The following TRIM13 variants were observed in gnomAD, a reference collection of about 807,000 sequenced individuals.
TRIM13 encodes E3 ubiquitin-protein ligase TRIM13.
In TRIM13, 15 loss-of-function variants were observed where a neutral mutation model predicts 27.1. That is an observed-to-expected ratio of 0.55 (90% CI 0.37 to 0.85). The LOEUF is 0.85. Ranked by LOEUF, TRIM13 falls within the 40% of genes least tolerant of loss-of-function variation. The pLI is 0.00. For synonymous variants in TRIM13, 193 were observed against 171.5 expected (o/e 1.13, Z -0.98); for missense variants, 402 against 472.2 (o/e 0.85, Z 1.38).
At chr13:50,000,648 A>G (rs1873910658) in intron 1 of TRIM13, among the ~76,000 whole-genome samples, 1 of 152,254 alleles carries the variant, frequency 6.6e-6, no homozygotes, top group South Asian at 2.1e-4. Flanking sequence ...AAATGTGTGC[A>G]CATGCACGGA....
rs150861040 is a variant in TRIM13 at position 50,012,761 on chromosome 13, C to A, written c.821C>A (p.Ala274Glu). 2.3e-5 allele frequency: 37 copies of A among 1,614,024 alleles called. No homozygotes were observed. The highest frequency in any genetic ancestry group is 3.1e-5 in the Non-Finnish European group (36 of 1,179,988). The change falls in exon 2 of 2, where the codon GCA (alanine) becomes GAA (glutamate). Residue 274 changes from alanine (A) to glutamate (E), a missense_variant. Coordinates refer to ENST00000378182, the MANE Select transcript of TRIM13 (RefSeq NM_213590.3). ...ETPLPPSNLP[A>E]SPLMKNFDTS... is the part of the protein sequence containing the mutation. ...CCTTTACCTCCCTCTAATTTGCCTGCAAGCCCTTTAATGAAGAACTTTGAT... is the reference window on the plus strand; with the variant it reads ...CCTTTACCTCCCTCTAATTTGCCTGAAAGCCCTTTAATGAAGAACTTTGAT...
rs1275821568 is a variant in TRIM13, at chr13:50,017,830, A to G, written c.*4666A>G. On this transcript the variant is annotated 3_prime_UTR_variant, in exon 2 of 2. Coordinates refer to ENST00000378182, the MANE Select transcript of TRIM13 (RefSeq NM_213590.3). ...GGTCTGAATCTATCTGTCTATTCAGATATTTTTTGGTAGGTTTGGAAAATG... is the reference window on the plus strand; with the variant it reads ...GGTCTGAATCTATCTGTCTATTCAGGTATTTTTTGGTAGGTTTGGAAAATG... 6.0e-6 allele frequency: 1 copy of G among 166,972 alleles called. No individual in the cohort carries two copies. Among genetic ancestry groups the G allele is most frequent in the Non-Finnish European group, 1.5e-5 (1 of 68,084 alleles). 10.3% of individuals were successfully genotyped at this position (166,972 alleles called of 1,614,324 possible).
Position 50,014,609 on chromosome 13 carries a change from A to G in TRIM13, c.*1445A>G, listed in dbSNP as rs1876146263. 1 of 166,820 alleles carries G rather than the reference A, an allele frequency of 6.0e-6. No homozygotes were observed. The highest frequency in any genetic ancestry group is 1.5e-5 in the Non-Finnish European group (1 of 68,092). 10.3% of individuals were successfully genotyped at this position (166,820 alleles called of 1,614,324 possible). On this transcript the variant is annotated 3_prime_UTR_variant, in exon 2 of 2. Transcript: ENST00000378182. ...GCTATTACAAAGTAATCAGCTGAAC[A>G]CTAATGCTGTTCTGTCTGCTCACAA...
chr13:50,014,312 C>A lies in TRIM13; in HGVS notation c.*1148C>A, dbSNP rs1876041432. On this transcript the variant is annotated 3_prime_UTR_variant, in exon 2 of 2. Coordinates refer to ENST00000378182, the MANE Select transcript of TRIM13 (RefSeq NM_213590.3). ...TAAACATAGCAAGACCCAGTCTCTACCAAAAAAAAAAAAAAAAAAAAAAAA... is the reference window on the plus strand; with the variant it reads ...TAAACATAGCAAGACCCAGTCTCTAACAAAAAAAAAAAAAAAAAAAAAAAA... 3.8e-5 allele frequency: 1 copy of A among 26,608 alleles called. No homozygotes were observed. Among genetic ancestry groups the A allele is most frequent in the South Asian group, 1.8e-3 (1 of 564 alleles). 1.6% of individuals were successfully genotyped at this position (26,608 alleles called of 1,614,324 possible). A position where few individuals can be genotyped will look rare whatever the true frequency, so the allele number is the denominator to read the frequency against.
Position 50,016,149 on chromosome 13 carries a change from T to A in TRIM13, c.*2985T>A. The A allele has an allele frequency of 9.9e-7, 1 of 1,007,654 alleles. No homozygotes were observed. Among genetic ancestry groups the A allele is most frequent in the Non-Finnish European group, 1.5e-6 (1 of 681,682 alleles). 62.4% of individuals were successfully genotyped at this position (1,007,654 alleles called of 1,614,324 possible). On this transcript the variant is annotated 3_prime_UTR_variant, in exon 2 of 2. Coordinates refer to ENST00000378182, the MANE Select transcript of TRIM13 (RefSeq NM_213590.3). ...CTAAAAACTTGAAGTTCCTCAGGCCTGTAACTTCTGGAAAAGATGATTATT... is the reference window on the plus strand; with the variant it reads ...CTAAAAACTTGAAGTTCCTCAGGCCAGTAACTTCTGGAAAAGATGATTATT...
rs1009484223 is a variant in TRIM13 at position 50,012,331 on chromosome 13, A to G, written c.391A>G (p.Ile131Val). The G allele has an allele frequency of 4.3e-6, 7 of 1,613,968 alleles. No individual in the cohort carries two copies. Among genetic ancestry groups the G allele is most frequent in the Admixed American group, 1.7e-5 (1 of 59,982 alleles). Reference protein sequence around the residue: ...GEHTKHVFCSIEDAYAQERDA... With the variant: ...GEHTKHVFCSVEDAYAQERDA... Reference sequence around the variant, plus strand: ...GCACACCAAACATGTCTTCTGTTCTATTGAAGATGCCTATGCTCAGGAAAG... The same window carrying G: ...GCACACCAAACATGTCTTCTGTTCTGTTGAAGATGCCTATGCTCAGGAAAG... The change falls in exon 2 of 2, where the codon ATT (isoleucine) becomes GTT (valine). Residue 131 changes from isoleucine to valine, a missense_variant. Physicochemically the swap from Ile to Val is conservative, Grantham distance 29. Coordinates refer to ENST00000378182, the MANE Select transcript of TRIM13 (RefSeq NM_213590.3).
intron 1 of TRIM13, among the ~76,000 whole-genome samples, chr13:50,009,091 A>T: frequency 6.9e-6 from 1 of 144,490 alleles, no homozygotes; most frequent in Admixed American, 7.1e-5. Flanking sequence ...TTACTCTATT[A>T]GAAATTAAAA....
Position 50,013,051 on chromosome 13 carries a change from T to C in TRIM13, c.1111T>C (p.Tyr371His). The change falls in exon 2 of 2, where the codon TAC becomes CAC. Residue 371 changes from tyrosine to histidine, a missense_variant. Coordinates refer to ENST00000378182, the MANE Select transcript of TRIM13 (RefSeq NM_213590.3). ...CGATTTCATAGAACAATCAGTTTTT[T>C]ACTGGGAACAGGTGACAGATGGGTT... ...TADFIEQSVF[Y>H]WEQVTDGFFI... is the part of the protein sequence containing the mutation. The C allele has an allele frequency of 6.2e-7, 1 of 1,614,062 alleles. No individual in the cohort carries two copies. Among genetic ancestry groups the C allele is most frequent in the South Asian group, 1.1e-5 (1 of 91,060 alleles).
intron 1 of TRIM13, among the ~76,000 whole-genome samples, chr13:50,008,686 C>T (rs1875138010): frequency 1.3e-5 from 2 of 151,942 alleles, no homozygotes; most frequent in African/African-American, 2.4e-5. Flanking sequence ...AATGGTATTG[C>T]CTGTATTAGG....
chr13:50,015,097 ATATATATATATATATATATATATATAT>A lies in TRIM13; in HGVS notation c.*1934_*1960del, dbSNP rs1876326148. ...TAATAAAAAAAAAAAAAAAAAAAAT[ATATATATATATATATATATATATATAT>A]ATATATATATATATATATATATATA... On this transcript the variant is annotated 3_prime_UTR_variant, in exon 2 of 2. Coordinates refer to ENST00000378182, the MANE Select transcript of TRIM13 (RefSeq NM_213590.3). 5.9e-4 allele frequency: 2 copies of A among 3,418 alleles called. No homozygotes were observed. Among genetic ancestry groups the A allele is most frequent in the Admixed American group, 5.6e-3 (2 of 358 alleles). The allele number at this position is 3,418 out of a possible 1,614,324, so 0.2% of individuals were successfully genotyped here. A position where few individuals can be genotyped will look rare whatever the true frequency, so the allele number is the denominator to read the frequency against.
At chr13:50,008,539 G>A (rs2138392530) in intron 1 of TRIM13, among the ~76,000 whole-genome samples, 1 of 152,100 alleles carries the variant, frequency 6.6e-6, no homozygotes, top group Middle Eastern at 3.4e-3. Flanking sequence ...TTAGGAATCT[G>A]AGGCAGGAGG....
intron 1 of TRIM13, among the ~76,000 whole-genome samples, chr13:49,999,099 CTA>C: frequency 2.8e-5 from 1 of 35,354 alleles, no homozygotes; most frequent in Non-Finnish European, 1.9e-4. Flanking sequence ...CCTTGTCACC[CTA>C]TGTGGGCGTC....
At chr13:50,006,756 G>A (rs1243202378) in intron 1 of TRIM13, among the ~76,000 whole-genome samples, 1 of 152,026 alleles carries the variant, frequency 6.6e-6, no homozygotes, top group African/African-American at 2.4e-5. Flanking sequence ...ATATCACAAA[G>A]GATTTTTCAG....
At position 50,015,805 on chromosome 13, in the gene TRIM13, GC is replaced by G; in HGVS notation, c.*2643del. On this transcript the variant is annotated 3_prime_UTR_variant, in exon 2 of 2. Transcript: ENST00000378182. ...ATCTCTTAAACCCATACCTGCTACA[GC>G]CAAGACCTGCTCTTGTGGAGGTACA... 1 of 1,614,134 alleles carries G rather than the reference GC, an allele frequency of 6.2e-7. No homozygotes were observed. The highest frequency in any genetic ancestry group is 8.5e-7 in the Non-Finnish European group (1 of 1,179,990).
Position 50,015,747 on chromosome 13 carries a change from A to G in TRIM13, c.*2583A>G. On this transcript the variant is annotated 3_prime_UTR_variant, in exon 2 of 2. Coordinates refer to ENST00000378182, the MANE Select transcript of TRIM13 (RefSeq NM_213590.3). The stretch of plus-strand genomic sequence containing the variant: ...TCAGACTATCTTAGGCTTCAGAGAG[A>G]GGCTCTTTTCTATGAACTTCGTTCT... The G allele has an allele frequency of 6.2e-7, 1 of 1,614,040 alleles. No individual in the cohort carries two copies. Among genetic ancestry groups the G allele is most frequent in the African/African-American group, 1.3e-5 (1 of 75,004 alleles).
rs759540660 is a variant in TRIM13, at chr13:50,012,831, T to A, written c.891T>A (p.Leu297=). The A allele has an allele frequency of 1.2e-6, 2 of 1,614,158 alleles. No individual in the cohort carries two copies. The highest frequency in any genetic ancestry group is 3.3e-5 in the Admixed American group (2 of 60,024). Residue 297 remains leucine (L), a synonymous_variant, in exon 2 of 2, where the codon CTT becomes CTA. Coordinates refer to ENST00000378182, the MANE Select transcript of TRIM13 (RefSeq NM_213590.3). ...TAAAACTAGTCGATGTGGATAAACTTTCTTTGCCTCAAGACACTGGCACAT... is the reference window on the plus strand; with the variant it reads ...TAAAACTAGTCGATGTGGATAAACTATCTTTGCCTCAAGACACTGGCACAT... ...EDIKLVDVDK[L]SLPQDTGTFI...
At position 50,015,080 on chromosome 13, in the gene TRIM13, A is replaced by T. The variant is rs1876211812; in HGVS notation, c.*1916A>T. On this transcript the variant is annotated 3_prime_UTR_variant, in exon 2 of 2. Coordinates refer to ENST00000378182, the MANE Select transcript of TRIM13 (RefSeq NM_213590.3). ...TGCTTTTCCCCTCCCAGTAATAAAA[A>T]AAAAAAAAAAAAAAATATATATATA... 1 of 29,964 alleles carries T rather than the reference A, an allele frequency of 3.3e-5. No homozygotes were observed. The highest frequency in any genetic ancestry group is 1.9e-4 in the African/African-American group (1 of 5,292). 1.9% of individuals were successfully genotyped at this position (29,964 alleles called of 1,614,324 possible).
At chr13:50,010,176 G>A (rs1875440061) in intron 1 of TRIM13, among the ~76,000 whole-genome samples, 1 of 151,496 alleles carries the variant, frequency 6.6e-6, no homozygotes, top group Non-Finnish European at 1.5e-5. Flanking sequence ...AGCCTCCCGA[G>A]TAGTTGGGAC....
chr13:50,006,889 A>T (rs1282969052), intron 1 of TRIM13, among the ~76,000 whole-genome samples: 1 of 152,064 alleles, frequency 6.6e-6, no homozygotes, highest in Admixed American at 6.5e-5. Context: ...CTACTATAAA[A>T]CCATAAACTG....
Sources: gnomAD v4.1 joint callset for allele counts (sites outside exome capture counted in the v4.1 genomes callset) on GRCh38, gnomAD v4.1.1 for gene constraint, MANE v1.5 for transcripts, NCBI Gene and HGNC (gene_info 2026-07-23, HGNC 2026-07-21) for gene names.